Variants in LINGO2 observed in about 807,000 individuals in gnomAD.
LINGO2 encodes the protein leucine-rich repeat and immunoglobulin-like domain-containing nogo receptor-interacting protein 2.
In LINGO2, 14 loss-of-function variants were observed where a neutral mutation model predicts 30.6. The ratio of observed to expected loss-of-function variants is 0.46; its 90% CI spans 0.30 to 0.72. The LOEUF is 0.72. Among genes scored for constraint, LINGO2 ranks in the 30% least tolerant of loss-of-function variants. The pLI is 0.07. For synonymous variants in LINGO2, 317 were observed against 288.5 expected, an observed-to-expected ratio of 1.10 and a Z score of -1.00; for missense variants, 729 against 751.7, an observed-to-expected ratio of 0.97 and a Z score of 0.35.
chr9:28,407,230 G>T (rs1175490955), intron 2 of LINGO2, among the ~76,000 whole-genome samples: 1 of 147,306 alleles, frequency 6.8e-6, no homozygotes, highest in Non-Finnish European at 1.5e-5. Flanking sequence ...AAAAAAAGGA[G>T]GGAGGGGCAG....
chr9:28,237,569 G>A (rs1043337515), intron 4 of LINGO2, among the ~76,000 whole-genome samples: 7 of 151,950 alleles, frequency 4.6e-5, no homozygotes, highest in African/African-American at 4.8e-5. Context: ...CTCTTCACTC[G>A]CCAGGTGCGG....
At chr9:28,533,169 G>A (rs572304305) in intron 1 of LINGO2, among the ~76,000 whole-genome samples, 39 of 152,126 alleles carry the variant, frequency 2.6e-4, no homozygotes, top group African/African-American at 8.7e-4. Context: ...TGAGTTTTCC[G>A]GCCTTCATCT....
At chr9:28,626,022 C>T (rs1421740354) in intron 1 of LINGO2, among the ~76,000 whole-genome samples, 1 of 151,814 alleles carries the variant, frequency 6.6e-6, no homozygotes, top group Non-Finnish European at 1.5e-5. Flanking sequence ...AAAAAAACTA[C>T]AAATTGTCTT....
At chr9:28,426,022 A>G (rs1823396479) in intron 2 of LINGO2, among the ~76,000 whole-genome samples, 1 of 152,052 alleles carries the variant, frequency 6.6e-6, no homozygotes, top group Non-Finnish European at 1.5e-5. Flanking sequence ...GAGAAGATAG[A>G]GTCATTTGTT....
At chr9:28,262,283 C>G (rs1223112149) in intron 4 of LINGO2, among the ~76,000 whole-genome samples, 3 of 150,268 alleles carry the variant, frequency 2.0e-5, no homozygotes, top group Non-Finnish European at 3.0e-5. Flanking sequence ...TTTTTTTTGT[C>G]TATGCTTATG....
At chr9:28,632,852 T>TA (rs1491552346) in intron 1 of LINGO2, among the ~76,000 whole-genome samples, 1 of 82,910 alleles carries the variant, frequency 1.2e-5, no homozygotes, top group East Asian at 3.3e-4. Context: ...TCTATATATA[T>TA]TTTTTATATA....
intron 4 of LINGO2, among the ~76,000 whole-genome samples, chr9:28,120,403 G>T (rs1378122189): frequency 6.6e-6 from 1 of 152,198 alleles, no homozygotes; most frequent in Non-Finnish European, 1.5e-5. Context: ...GTGAGGACTT[G>T]TGCATCTTTA....
the LINGO2 span, among the ~76,000 whole-genome samples, chr9:29,065,604 T>G: frequency 6.6e-6 from 1 of 152,014 alleles, no homozygotes; most frequent in South Asian, 2.1e-4. Flanking sequence ...TTTCTTAACC[T>G]GCCCTATATT....
chr9:28,148,875 A>G lies in LINGO2; in HGVS notation c.-86-136470T>C. On this transcript the variant is annotated intron_variant, in intron 4 of 5. Transcript: ENST00000379992. The surrounding 1 kb of genome is among the most constrained non-coding windows in gnomAD (Gnocchi z 5.1). Reference sequence around the variant, plus strand: ...TCTCCAGGCTTGCTGATGGTGGGGGAGGACATGCAGCCCAAGGATCCTGCA... The same window carrying G: ...TCTCCAGGCTTGCTGATGGTGGGGGGGGACATGCAGCCCAAGGATCCTGCA... The G allele has an allele frequency of 5.2e-6, 8 of 1,533,646 alleles. No individual in the cohort carries two copies. The South Asian group carries it at 9.5e-5, about 18-fold the overall frequency.
chr9:28,817,934 C>A, the LINGO2 span, among the ~76,000 whole-genome samples: 1 of 152,048 alleles, frequency 6.6e-6, no homozygotes, highest in Non-Finnish European at 1.5e-5. Context: ...TCTCTTTTAA[C>A]AGGTTTCACT....
chr9:28,211,242 A>G (rs909828455), intron 4 of LINGO2, among the ~76,000 whole-genome samples: 3 of 151,020 alleles, frequency 2.0e-5, no homozygotes, highest in African/African-American at 7.3e-5. Context: ...TTGGTTTGTA[A>G]TCGTGATTTA....
intron 3 of LINGO2, among the ~76,000 whole-genome samples, chr9:28,308,723 A>G (rs1156297946): frequency 6.6e-6 from 1 of 150,752 alleles, no homozygotes; most frequent in East Asian, 2.0e-4. Flanking sequence ...ATGAACTCAA[A>G]CAAATTTACA....
chr9:29,105,370 G>A, the LINGO2 span, among the ~76,000 whole-genome samples: 4 of 152,292 alleles, frequency 2.6e-5, no homozygotes, highest in African/African-American at 9.6e-5. Flanking sequence ...GTTTCTGAAT[G>A]TATGCTCATG....
At chr9:29,160,900 A>G in the LINGO2 span, among the ~76,000 whole-genome samples, 3 of 152,212 alleles carry the variant, frequency 2.0e-5, no homozygotes, top group African/African-American at 7.2e-5. Context: ...TGTTTGTGTA[A>G]GTTCACACTA....
At chr9:28,892,197 A>T in the LINGO2 span, among the ~76,000 whole-genome samples, 1 of 151,982 alleles carries the variant, frequency 6.6e-6, no homozygotes, top group East Asian at 1.9e-4. Flanking sequence ...GTTTTTGATT[A>T]GAATTATGAA....
In LINGO2 at chr9:28,302,988, C is replaced by T. The variant is rs145718668; in HGVS notation, c.-245-7622G>A. Reference sequence around the variant, plus strand: ...TGACTTGTTAATTGTATAGGTCTTACGCTTTCTAGCACAATAAATGCTCTG... The same window carrying T: ...TGACTTGTTAATTGTATAGGTCTTATGCTTTCTAGCACAATAAATGCTCTG... On this transcript the variant is annotated intron_variant, in intron 3 of 5. Coordinates refer to ENST00000379992, the Ensembl canonical transcript of LINGO2. Among the ~76,000 whole-genome samples the T allele has an allele frequency of 8.5e-5, 13 of 152,226 alleles. No individual in the cohort carries two copies. In the South Asian group the frequency reaches 2.1e-3, roughly 24 times the overall value.
chr9:28,470,034 A>G, intron 2 of LINGO2, among the ~76,000 whole-genome samples: 1 of 152,288 alleles, frequency 6.6e-6, no homozygotes. Context: ...AATACCCTTT[A>G]TGTATATGTA....
the LINGO2 span, among the ~76,000 whole-genome samples, chr9:29,100,262 G>A: frequency 6.6e-6 from 1 of 152,144 alleles, no homozygotes; most frequent in Non-Finnish European, 1.5e-5. Context: ...ACACTACACG[G>A]GGGAGGGGAA....
chr9:28,213,900 C>T (rs541486824), intron 4 of LINGO2, among the ~76,000 whole-genome samples: 14 of 151,478 alleles, frequency 9.2e-5, no homozygotes, highest in African/African-American at 2.7e-4. Flanking sequence ...AATTAAAGTA[C>T]GCAGTGTTCC....
Sources: allele counts gnomAD v4.1 joint callset (sites outside exome capture counted in the v4.1 genomes callset), GRCh38; gene constraint gnomAD v4.1.1; non-coding constraint Gnocchi (gnomAD v3.1); transcripts MANE v1.5; gene names NCBI Gene and HGNC (gene_info 2026-07-23, HGNC 2026-07-21).